Variants in CNTN5 observed in about 807,000 individuals in gnomAD.
CNTN5 encodes the protein contactin-5.
A neutral mutation model predicts 129.1 loss-of-function variants in CNTN5; 77 were observed. The ratio of observed to expected loss-of-function variants is 0.60; its 90% CI spans 0.50 to 0.72. The LOEUF (loss-of-function observed/expected upper bound fraction) is 0.72. CNTN5 is among the 30% of genes least tolerant of loss of function. CNTN5 has a pLI of 0.00. For missense variants in CNTN5, 1,478 were observed against 1,328.8 expected, an observed-to-expected ratio of 1.11 and a Z score of -1.75; for synonymous variants, 509 against 465.6, an observed-to-expected ratio of 1.09 and a Z score of -1.20.
intron 21 of CNTN5, among the ~76,000 whole-genome samples, chr11:100,324,277 AC>A (rs1951749824): frequency 6.6e-6 from 1 of 152,160 alleles, no homozygotes; most frequent in Admixed American, 6.5e-5. Flanking sequence ...TCATTTATTT[AC>A]AGAAATAGCA....
intron 6 of CNTN5, among the ~76,000 whole-genome samples, chr11:99,877,608 GT>G (rs1220883354): frequency 1.9e-5 from 1 of 52,254 alleles, no homozygotes; most frequent in African/African-American, 6.7e-5. Context: ...ATAATCTTTA[GT>G]TTAAAAAAAA....
chr11:99,048,813 A>C (rs1864314116), intron 1 of CNTN5, among the ~76,000 whole-genome samples: 1 of 152,200 alleles, frequency 6.6e-6, no homozygotes, highest in African/African-American at 2.4e-5. Context: ...TTACATCTTA[A>C]GCCCACATCT....
intron 14 of CNTN5, among the ~76,000 whole-genome samples, chr11:100,191,798 T>G (rs548653344): frequency 6.6e-6 from 1 of 152,114 alleles, no homozygotes; most frequent in East Asian, 1.9e-4. Flanking sequence ...TGCTTATATG[T>G]TTCCATTCAT....
chr11:99,034,051 G>T (rs1347307584), intron 1 of CNTN5, among the ~76,000 whole-genome samples: 1 of 152,102 alleles, frequency 6.6e-6, no homozygotes, highest in East Asian at 1.9e-4. Flanking sequence ...CTTTGGTTCT[G>T]TTTATATGCT....
At chr11:99,174,006 GTGTGTGTGTGT>G in intron 1 of CNTN5, among the ~76,000 whole-genome samples, 1 of 151,858 alleles carries the variant, frequency 6.6e-6, no homozygotes, top group African/African-American at 2.4e-5. Flanking sequence ...TGCCTTTTGT[GTGTGTGTGTGT>G]GATGGAGCCT....
chr11:99,871,899 G>T (rs889283626), intron 6 of CNTN5, among the ~76,000 whole-genome samples: 3 of 151,216 alleles, frequency 2.0e-5, no homozygotes, highest in African/African-American at 7.3e-5. Context: ...ATGCATATTG[G>T]CTATATGCAT....
chr11:99,108,550 G>C (rs1565323588), intron 1 of CNTN5, among the ~76,000 whole-genome samples: 1 of 152,040 alleles, frequency 6.6e-6, no homozygotes, highest in Non-Finnish European at 1.5e-5. Flanking sequence ...CCACGACATG[G>C]TTTAGTTTTA....
intron 17 of CNTN5, 137 bp downstream of exon 17, chr11:100,256,055 TG>T (rs1019076887): frequency 2.6e-6 from 2 of 784,256 alleles, no homozygotes; most frequent in Non-Finnish European, 3.9e-6. Flanking sequence ...GACAATTCTT[TG>T]CTTCTTTTTA....
At chr11:99,743,664 C>G (rs1943954847) in intron 3 of CNTN5, among the ~76,000 whole-genome samples, 1 of 152,122 alleles carries the variant, frequency 6.6e-6, no homozygotes, top group Admixed American at 6.5e-5. Context: ...TCCAGTCATA[C>G]TTTACAGGGA....
At chr11:99,722,440 T>C (rs1019124028) in intron 3 of CNTN5, among the ~76,000 whole-genome samples, 14 of 152,022 alleles carry the variant, frequency 9.2e-5, no homozygotes, top group African/African-American at 2.9e-4. Flanking sequence ...TGAGAACTTA[T>C]GAACACAAAG....
intron 1 of CNTN5, among the ~76,000 whole-genome samples, chr11:99,039,094 A>G (rs556336937): frequency 6.6e-6 from 1 of 152,296 alleles, no homozygotes; most frequent in South Asian, 2.1e-4. Flanking sequence ...ATATTAAACG[A>G]TTGAAAATTT....
At chr11:99,807,980 A>G (rs528021914) in intron 3 of CNTN5, among the ~76,000 whole-genome samples, 1 of 152,318 alleles carries the variant, frequency 6.6e-6, no homozygotes, top group East Asian at 1.9e-4. Context: ...CCTAAGGGAA[A>G]GAATTAGGCG....
At chr11:99,741,865 A>G (rs551596495) in intron 3 of CNTN5, among the ~76,000 whole-genome samples, 2 of 152,260 alleles carry the variant, frequency 1.3e-5, no homozygotes, top group South Asian at 4.1e-4. Context: ...TTATATAGAC[A>G]TGTGAACAGT....
At chr11:99,835,781 C>G (rs1947284022) in intron 4 of CNTN5, among the ~76,000 whole-genome samples, 2 of 152,148 alleles carry the variant, frequency 1.3e-5, no homozygotes, top group Admixed American at 1.3e-4. Flanking sequence ...ACATGGTTGA[C>G]TGGTTAAATA....
intron 3 of CNTN5, among the ~76,000 whole-genome samples, chr11:99,690,324 T>A (rs1006634143): frequency 6.6e-6 from 1 of 152,174 alleles, no homozygotes; most frequent in African/African-American, 2.4e-5. Context: ...CTATTTTGGT[T>A]ACTGTAGTCT....
chr11:99,816,731 T>C (rs1272038103), intron 3 of CNTN5, among the ~76,000 whole-genome samples: 1 of 152,184 alleles, frequency 6.6e-6, no homozygotes, highest in Non-Finnish European at 1.5e-5. Flanking sequence ...CTTTCAAAGC[T>C]GTACCAGTTT....
At chr11:99,846,533 C>T (rs1268027275) in intron 6 of CNTN5, among the ~76,000 whole-genome samples, 5 of 151,576 alleles carry the variant, frequency 3.3e-5, no homozygotes, top group Non-Finnish European at 7.4e-5. Flanking sequence ...AAATTAAGTT[C>T]TTGAGGATAG....
rs183728163 is a variant in CNTN5 at position 99,719,552 on chromosome 11, G to A, written c.56-99992G>A. On this transcript the variant is annotated intron_variant, in intron 3 of 24. Coordinates refer to ENST00000524871, the MANE Select transcript of CNTN5 (RefSeq NM_014361.4). Reference sequence around the variant, plus strand: ...GAAATTCAACTAAGGTAGGATTAAGGGGAAATTTATAGCACTAAATGCTTA... The same window carrying A: ...GAAATTCAACTAAGGTAGGATTAAGAGGAAATTTATAGCACTAAATGCTTA... 1.4e-3 allele frequency among the ~76,000 whole-genome samples: 217 copies of A among 151,974 alleles called. 2 individuals are homozygous for A. Among genetic ancestry groups the A allele is most frequent in the African/African-American group, 4.9e-3 (202 of 41,450 alleles).
intron 3 of CNTN5, among the ~76,000 whole-genome samples, chr11:99,579,773 C>T (rs1949505646): frequency 6.7e-6 from 1 of 150,210 alleles, no homozygotes. Context: ...ATGTCATCTG[C>T]AAACAGGGAC....
Sources: gnomAD v4.1 joint callset for allele counts (sites outside exome capture counted in the v4.1 genomes callset) on GRCh38, gnomAD v4.1.1 for gene constraint, MANE v1.5 for transcripts, NCBI Gene and HGNC (gene_info 2026-07-23, HGNC 2026-07-21) for gene names.